Variants in MAST4 observed in about 807,000 individuals in gnomAD.
The protein encoded by MAST4 is microtubule associated serine/threonine kinase family member 4.
MAST4 carries 89 observed loss-of-function variants against 162.7 expected under a neutral mutation model. That is an observed-to-expected ratio of 0.55 (90% CI 0.46 to 0.65). The LOEUF (loss-of-function observed/expected upper bound fraction) is 0.65. Ranked by LOEUF, MAST4 falls within the 30% of genes least tolerant of loss-of-function variation. The pLI, the probability that MAST4 is intolerant of heterozygous loss-of-function variation, is 0.00. For synonymous variants in MAST4, 1,479 were observed against 1,361.1 expected (o/e 1.09, Z -1.91); for missense variants, 3,153 against 3,374.0 (o/e 0.93, Z 1.62).
Position 67,163,210 on chromosome 5 carries a change from G to A in MAST4, c.4031G>A (p.Gly1344Glu). 1 of 1,613,854 alleles carries A rather than the reference G, an allele frequency of 6.2e-7. No homozygotes were observed. The highest frequency in any genetic ancestry group is 2.2e-5 in the East Asian group (1 of 44,842). Residue 1344 changes from glycine (G) to glutamate (E), a missense_variant, in exon 29 of 29, where the codon GGG becomes GAG. Gly to Glu is a moderately conservative substitution (Grantham distance 98). Around this residue, in one of 7 missense-constraint regions of MAST4, gnomAD observed 619 missense variants for 744.2 expected, o/e 0.83. Coordinates refer to ENST00000403625, the MANE Select transcript of MAST4 (RefSeq NM_001164664.2). This position sits in a 1 kb window ranked among gnomAD's most constrained non-coding sequence, Gnocchi z 7.0. ...GCCCCCAATTCCCCAGCAGGGTCCG[G>A]GCACATCCGGCCCAGCACTCTCCAC... ...SSAPNSPAGSGHIRPSTLHGL... is the reference protein window; with the variant it reads ...SSAPNSPAGSEHIRPSTLHGL...
At chr5:67,133,455 G>C in intron 16 of MAST4, 59 bp from the exon 17 acceptor site, 1 of 1,578,446 alleles carries the variant, frequency 6.3e-7, no homozygotes. Context: ...GGGAGGAAAT[G>C]AAAATAGATA....
At chr5:67,110,027 G>A in intron 10 of MAST4, 71 bp from the exon 11 acceptor site, 1 of 1,077,610 alleles carries the variant, frequency 9.3e-7, no homozygotes, top group South Asian at 1.3e-5. Context: ...TAATTAGCAT[G>A]CTTTGCTGAT....
At chr5:67,068,674 C>T (rs1760538479) in intron 5 of MAST4, among the ~76,000 whole-genome samples, 1 of 152,136 alleles carries the variant, frequency 6.6e-6, no homozygotes, top group South Asian at 2.1e-4. Flanking sequence ...GAAGAAACCT[C>T]ACTTTTCCAA....
chr5:66,758,932 GTACT>G (rs1054554953), intron 1 of MAST4, among the ~76,000 whole-genome samples: 10 of 152,148 alleles, frequency 6.6e-5, no homozygotes, highest in Admixed American at 5.9e-4. Context: ...ATATTCATAT[GTACT>G]TACTTGAAGG....
At chr5:66,669,204 G>A (rs1405998095) in intron 1 of MAST4, among the ~76,000 whole-genome samples, 1 of 152,206 alleles carries the variant, frequency 6.6e-6, no homozygotes, top group African/African-American at 2.4e-5. Context: ...AGAGATAGAA[G>A]GGTGATCTTC....
chr5:67,054,314 C>G (rs958429801), intron 4 of MAST4, 90 bp from the exon 5 acceptor site: 2 of 1,053,418 alleles, frequency 1.9e-6, no homozygotes, highest in Non-Finnish European at 2.7e-6. Flanking sequence ...AGATAGGTTG[C>G]TCAACCTGGT....
intron 3 of MAST4, among the ~76,000 whole-genome samples, chr5:66,798,326 TA>T (rs1755753336): frequency 6.6e-6 from 1 of 152,184 alleles, no homozygotes; most frequent in African/African-American, 2.4e-5. Flanking sequence ...AAGTCTTCAA[TA>T]ATGAGTGCTA....
chr5:66,800,634 A>G (rs894498394), intron 3 of MAST4, among the ~76,000 whole-genome samples: 1 of 152,108 alleles, frequency 6.6e-6, no homozygotes, highest in Non-Finnish European at 1.5e-5. Context: ...CTGTACAACA[A>G]ACCCCCATGA....
intron 3 of MAST4, among the ~76,000 whole-genome samples, chr5:66,843,248 A>G (rs1489256283): frequency 6.6e-6 from 1 of 152,178 alleles, no homozygotes; most frequent in Non-Finnish European, 1.5e-5. Flanking sequence ...TTGTCACGTT[A>G]GTGGTCCTGA....
chr5:66,904,080 TGTG>T (rs1487453611), intron 4 of MAST4, among the ~76,000 whole-genome samples: 3 of 152,248 alleles, frequency 2.0e-5, no homozygotes, highest in East Asian at 1.9e-4. Context: ...CCATTATTGT[TGTG>T]GTACTTTTTT....
intron 1 of MAST4, among the ~76,000 whole-genome samples, chr5:66,615,477 A>G (rs1314404591): frequency 2.0e-5 from 3 of 152,140 alleles, no homozygotes; most frequent in African/African-American, 7.2e-5. Context: ...GCTCTGAGGG[A>G]TCAGTTTCTA....
At chr5:66,604,905 G>A (rs1477781356) in intron 1 of MAST4, among the ~76,000 whole-genome samples, 1 of 152,184 alleles carries the variant, frequency 6.6e-6, no homozygotes, top group African/African-American at 2.4e-5. Flanking sequence ...TTAGGTCGGT[G>A]TACACAGTCA....
chr5:66,751,497 T>G (rs1289312048), intron 1 of MAST4, among the ~76,000 whole-genome samples: 2 of 152,178 alleles, frequency 1.3e-5, no homozygotes, highest in Non-Finnish European at 2.9e-5. Context: ...TGTGAAGAAT[T>G]CAGAAGCCTC....
chr5:67,157,713 G>A lies in MAST4; in HGVS notation c.3649-2743G>A, dbSNP rs146921121. 5.2e-4 allele frequency among the ~76,000 whole-genome samples: 79 copies of A among 152,306 alleles called. No individual in the cohort carries two copies. In the Middle Eastern group the frequency reaches 0.01, roughly 20 times the overall value. ...TTGGGGGTGAGCAGCAAGAGAGCCA[G>A]CATGGGCTTTTCCACTGGACTCTCA... is the stretch of plus-strand genomic sequence containing the variant. On this transcript the variant is annotated intron_variant, in intron 26 of 28. Transcript: ENST00000403625.
At chr5:66,599,318 C>T (rs1742405378) in intron 1 of MAST4, among the ~76,000 whole-genome samples, 1 of 152,118 alleles carries the variant, frequency 6.6e-6, no homozygotes, top group Non-Finnish European at 1.5e-5. Context: ...TCTTTTGCCC[C>T]TCTCCTCAAA....
At chr5:66,692,164 C>T (rs141590177) in intron 1 of MAST4, among the ~76,000 whole-genome samples, 1 of 152,272 alleles carries the variant, frequency 6.6e-6, no homozygotes, top group Non-Finnish European at 1.5e-5. Context: ...CTCATGTGCT[C>T]TGTCTCTCGC....
intron 7 of MAST4, among the ~76,000 whole-genome samples, chr5:67,099,406 T>C (rs1017754879): frequency 1.3e-5 from 2 of 152,064 alleles, no homozygotes; most frequent in Non-Finnish European, 2.9e-5. Context: ...TTTCAAGTTA[T>C]AGGAATAATT....
rs58817221 is a variant in MAST4 at position 66,807,974 on chromosome 5, A to T, written c.642+19180A>T. ...AAAGAACAGTTGACTCACTCCAAGGATAATGTTTACTGTGCCACCCTGGTC... is the reference window on the plus strand; with the variant it reads ...AAAGAACAGTTGACTCACTCCAAGGTTAATGTTTACTGTGCCACCCTGGTC... On this transcript the variant is annotated intron_variant, in intron 3 of 28. Transcript: ENST00000403625. Among the ~76,000 whole-genome samples, 917 of 152,292 alleles carry T rather than the reference A, an allele frequency of 6.0e-3. 8 individuals carry two copies. Among genetic ancestry groups the T allele is most frequent in the African/African-American group, 0.021 (877 of 41,532 alleles).
chr5:67,091,281 C>T (rs1444157496), intron 6 of MAST4, among the ~76,000 whole-genome samples: 1 of 152,154 alleles, frequency 6.6e-6, no homozygotes, highest in Non-Finnish European at 1.5e-5. Context: ...ATTAAGATTT[C>T]ATTATAAATC....
Sources: allele counts gnomAD v4.1 joint callset (sites outside exome capture counted in the v4.1 genomes callset), GRCh38; gene constraint gnomAD v4.1.1; regional missense constraint gnomAD v4.1.1; non-coding constraint Gnocchi (gnomAD v3.1); transcripts MANE v1.5; gene names NCBI Gene and HGNC (gene_info 2026-07-23, HGNC 2026-07-21).